TNFAIP8L3: variants seen among roughly 807,000 people sequenced by gnomAD.
TNFAIP8L3 encodes TNF alpha induced protein 8 like 3.
TNFAIP8L3 carries 7 observed loss-of-function variants against 11.8 expected under a neutral mutation model. The observed-to-expected ratio is 0.59, with a 90% CI of 0.34 to 1.11. The LOEUF is 1.11. Among genes scored for constraint, TNFAIP8L3 ranks in the 50% most tolerant of loss-of-function variants. TNFAIP8L3 has a pLI of 0.03. For missense variants in TNFAIP8L3, 219 were observed against 258.6 expected (o/e 0.85, Z 1.05); for synonymous variants, 98 against 103.8 (o/e 0.94, Z 0.34).
chr15:51,085,397 A>C (rs2065420422), intron 1 of TNFAIP8L3, among the ~76,000 whole-genome samples: 1 of 152,250 alleles, frequency 6.6e-6, no homozygotes, highest in South Asian at 2.1e-4. Context: ...GGCTCTTCTG[A>C]CTAAGAAAGA....
chr15:51,101,889 T>C (rs1461553236), intron 1 of TNFAIP8L3, among the ~76,000 whole-genome samples: 31 of 134,350 alleles, frequency 2.3e-4, no homozygotes, highest in Non-Finnish European at 1.5e-5. Context: ...GAGCTTGCAG[T>C]GAGCTGAGAT....
intron 1 of TNFAIP8L3, chr15:51,104,935 C>A: frequency 6.3e-7 from 1 of 1,599,812 alleles, no homozygotes; most frequent in Non-Finnish European, 8.6e-7. Context: ...AGCTCGCCAC[C>A]TTGCATGCTT....
rs183258951 is a variant in TNFAIP8L3, at chr15:51,064,977, G to A, written c.53-6534C>T. On this transcript the variant is annotated intron_variant, in intron 1 of 1. Coordinates refer to ENST00000637513, the MANE Select transcript of TNFAIP8L3 (RefSeq NM_001311175.2). ...TAAAAACTTCTCCTTCTGTATACAA[G>A]TCCTAGGAAAGCTCTTTTGGCCAGA... is the stretch of plus-strand genomic sequence containing the variant. Among the ~76,000 whole-genome samples, 74 of 152,302 alleles carry A rather than the reference G, an allele frequency of 4.9e-4. 2 individuals carry two copies. The East Asian group carries it at 7.1e-3, about 15-fold the overall frequency.
upstream of TNFAIP8L3, among the ~76,000 whole-genome samples, chr15:51,097,857 G>GC (rs960748123): frequency 2.0e-5 from 3 of 151,794 alleles, no homozygotes; most frequent in Admixed American, 2.0e-4. Context: ...TTTCTTGTGG[G>GC]GGGGGAAAAA....
At chr15:51,061,991 A>AT (rs1276250266) in intron 1 of TNFAIP8L3, among the ~76,000 whole-genome samples, 1 of 151,964 alleles carries the variant, frequency 6.6e-6, no homozygotes, top group Non-Finnish European at 1.5e-5. Context: ...TCCAATTAAA[A>AT]TTTTTTTCTT....
chr15:51,061,100 C>T (rs188968610), intron 1 of TNFAIP8L3, among the ~76,000 whole-genome samples: 3 of 152,320 alleles, frequency 2.0e-5, no homozygotes, highest in East Asian at 3.9e-4. Flanking sequence ...CGTGCCACTT[C>T]ACTCTGGCCT....
chr15:51,061,271 T>C (rs1019456205), intron 1 of TNFAIP8L3, among the ~76,000 whole-genome samples: 3 of 152,212 alleles, frequency 2.0e-5, no homozygotes, highest in African/African-American at 7.2e-5. Context: ...CCCAAGTAGC[T>C]GGGACTACAG....
intron 1 of TNFAIP8L3, among the ~76,000 whole-genome samples, chr15:51,061,686 T>C (rs1452707973): frequency 2.0e-5 from 3 of 152,092 alleles, no homozygotes; most frequent in Admixed American, 1.3e-4. Context: ...AGGATGCATA[T>C]GAATTTAAAT....
At chr15:51,095,818 G>A (rs2140984107), upstream of TNFAIP8L3, among the ~76,000 whole-genome samples, 1 of 152,218 alleles carries the variant, frequency 6.6e-6, no homozygotes, top group Middle Eastern at 3.4e-3. Context: ...CTCAAGCTGG[G>A]TTCTCTGCTT....
intron 1 of TNFAIP8L3, among the ~76,000 whole-genome samples, chr15:51,076,516 C>T (rs1182504977): frequency 6.6e-6 from 1 of 152,204 alleles, no homozygotes; most frequent in Non-Finnish European, 1.5e-5. Context: ...TTCATGGTAA[C>T]GTAAAGAAGT....
chr15:51,057,199 C>G lies in TNFAIP8L3; in HGVS notation c.*682G>C, dbSNP rs2065211510. The G allele has an allele frequency of 6.6e-6, 1 of 152,212 alleles. No individual in the cohort carries two copies. The highest frequency in any genetic ancestry group is 6.5e-5 in the Admixed American group (1 of 15,284). 9.4% of individuals were successfully genotyped at this position (152,212 alleles called of 1,614,324 possible). A position where few individuals can be genotyped will look rare whatever the true frequency, so the allele number is the denominator to read the frequency against. ...TGCTGGGATTACAGGTGTGAGCCAC[C>G]ATGCCTGGCCAAAAAGACGACTCTT... On this transcript the variant is annotated 3_prime_UTR_variant, in exon 2 of 2. Coordinates refer to ENST00000637513, the MANE Select transcript of TNFAIP8L3 (RefSeq NM_001311175.2).
exon 1 of TNFAIP8L3, chr15:51,105,202 C>G (rs756453921): frequency 5.6e-6 from 9 of 1,610,032 alleles, no homozygotes; most frequent in Non-Finnish European, 5.9e-6. Context: ...CTTCTTGGGA[C>G]AGTAGCCCTA....
chr15:51,095,745 T>C (rs1332053760), upstream of TNFAIP8L3, among the ~76,000 whole-genome samples: 1 of 152,202 alleles, frequency 6.6e-6, no homozygotes. Flanking sequence ...TTGTTGTTGT[T>C]AATTCTTGGT....
At chr15:51,072,476 C>T (rs992388731) in intron 1 of TNFAIP8L3, among the ~76,000 whole-genome samples, 3 of 152,182 alleles carry the variant, frequency 2.0e-5, no homozygotes, top group Non-Finnish European at 4.4e-5. Flanking sequence ...ATTTATCAAT[C>T]TTTTCCTTGA....
chr15:51,088,046 T>A (rs2065442702), intron 1 of TNFAIP8L3, among the ~76,000 whole-genome samples: 1 of 151,054 alleles, frequency 6.6e-6, no homozygotes, highest in South Asian at 2.1e-4. Flanking sequence ...TATTTCTATA[T>A]TTGTATAGAA....
At chr15:51,100,411 A>G (rs902234314) in intron 1 of TNFAIP8L3, among the ~76,000 whole-genome samples, 1 of 152,062 alleles carries the variant, frequency 6.6e-6, no homozygotes, top group African/African-American at 2.4e-5. Context: ...AAAGACAACA[A>G]CAAGAGTAGT....
chr15:51,072,800 C>A lies in TNFAIP8L3; in HGVS notation c.53-14357G>T, dbSNP rs1415096941. Among the ~76,000 whole-genome samples the A allele has an allele frequency of 2.0e-5, 3 of 151,944 alleles. 1 individual carries two copies. Among genetic ancestry groups the A allele is most frequent in the African/African-American group, 7.3e-5 (3 of 41,352 alleles). ...TATTAGACTCTGGTCTATTTCAGTA[C>A]AAAAACCAAGTTTTCTTAATATAAC... On this transcript the variant is annotated intron_variant, in intron 1 of 1. Transcript: ENST00000637513.
At chr15:51,058,659 T>C (rs1468778616) in intron 1 of TNFAIP8L3, among the ~76,000 whole-genome samples, 3 of 152,188 alleles carry the variant, frequency 2.0e-5, no homozygotes, top group Non-Finnish European at 4.4e-5. Flanking sequence ...TCCTCTAAAC[T>C]GTGCTTATGC....
At chr15:51,105,263 T>A (rs1595625290) in exon 1 of TNFAIP8L3, 1 of 1,411,124 alleles carries the variant, frequency 7.1e-7, no homozygotes, top group East Asian at 2.3e-5. Context: ...TTACTTGAGG[T>A]AAGACTAGCA....
Sources: gnomAD v4.1 joint callset for allele counts (sites outside exome capture counted in the v4.1 genomes callset) on GRCh38, gnomAD v4.1.1 for gene constraint, MANE v1.5 for transcripts, NCBI Gene and HGNC (gene_info 2026-07-23, HGNC 2026-07-21) for gene names.